The following RP1L1 variants were observed in gnomAD, a reference collection of about 807,000 sequenced individuals.
The protein encoded by RP1L1 is retinitis pigmentosa 1-like 1 protein.
A neutral mutation model predicts 15.7 loss-of-function variants in RP1L1; 27 were observed. The observed-to-expected ratio is 1.72, with a 90% confidence interval of 1.27 to 2.38. The LOEUF (loss-of-function observed/expected upper bound fraction) is 2.38, where lower values mean the gene tolerates loss of function less well. Among genes scored for constraint, RP1L1 ranks in the 30% most tolerant of loss-of-function variants. RP1L1 has a pLI of 0.00. For missense variants in RP1L1, 4,798 were observed against 3,075.9 expected (o/e 1.56, Z -13.24); for synonymous variants, 1,813 against 1,276.7 (o/e 1.42, Z -8.96).
intron 1 of RP1L1, among the ~76,000 whole-genome samples, chr8:10,647,760 A>C (rs980939100): frequency 6.6e-6 from 1 of 152,156 alleles, no homozygotes; most frequent in African/African-American, 2.4e-5. Flanking sequence ...TCCATGGATT[A>C]TTTCTACCTT....
Position 10,609,354 on chromosome 8 carries a change from G to C in RP1L1, c.4744C>G (p.Arg1582Gly). The change falls in exon 4 of 4, where the codon CGG (arginine) becomes GGG (glycine). Residue 1582 changes from arginine to glycine, a missense_variant. Physicochemically the swap from Arg to Gly is moderately radical, Grantham distance 125. Transcript: ENST00000382483. Reference sequence around the variant, plus strand: ...GGCTCCAGCACCATCCTACCCGCCCGGCCCTGGAGCTTCTGGAGCTCTCTC... The same window carrying C: ...GGCTCCAGCACCATCCTACCCGCCCCGCCCTGGAGCTTCTGGAGCTCTCTC... ...TKRELQKLQG[R>G]AGRMVLEPPR... The C allele has an allele frequency of 6.2e-7, 1 of 1,612,382 alleles. No homozygotes were observed.
Position 10,611,300 on chromosome 8 carries a change from C to A in RP1L1, c.2798G>T (p.Gly933Val), listed in dbSNP as rs769397265. Residue 933 changes from glycine (G) to valine (V), a missense_variant, in exon 4 of 4, where the codon GGC becomes GTC. Physicochemically the swap from Gly to Val is moderately radical, Grantham distance 109. Coordinates refer to ENST00000382483, the MANE Select transcript of RP1L1 (RefSeq NM_178857.6). ...ACTGGCCTCCTCCTGCCCCTGGGGG[C>A]CTCCCCCACTCCTCAAGGTCTTCTC... Reference protein sequence around the residue: ...SEEKTLRSGGGPQGQEEASGV... With the variant: ...SEEKTLRSGGVPQGQEEASGV... 4 of 1,612,830 alleles carry A rather than the reference C, an allele frequency of 2.5e-6. No homozygotes were observed. The highest frequency in any genetic ancestry group is 3.4e-6 in the Non-Finnish European group (4 of 1,180,014).
chr8:10,640,003 G>C (rs1798384562), intron 1 of RP1L1, among the ~76,000 whole-genome samples: 1 of 152,152 alleles, frequency 6.6e-6, no homozygotes. Context: ...GTTCTAAATG[G>C]TCAGGGGTTT....
In RP1L1 at chr8:10,613,306, C is replaced by T. The variant is rs567914782; in HGVS notation, c.792G>A (p.Ser264=). The change falls in exon 4 of 4, where the codon TCG becomes TCA. Residue 264 remains serine, a synonymous_variant. Transcript: ENST00000382483. Reference sequence around the variant, plus strand: ...GTGGCGTGCTGCCTGGCGGAGACCGCGAATGGATCACACTCGGCTTGGTCT... The same window carrying T: ...GTGGCGTGCTGCCTGGCGGAGACCGTGAATGGATCACACTCGGCTTGGTCT... ...GPKTKPSVIH[S]RSPPGSTPRL... 126 of 1,602,374 alleles carry T rather than the reference C, an allele frequency of 7.9e-5. 1 individual carries two copies. Among genetic ancestry groups the T allele is most frequent in the South Asian group, 7.6e-4 (69 of 91,090 alleles).
chr8:10,616,619 T>C (rs149289296), intron 2 of RP1L1, 32 bp from the exon 3 acceptor site: 16 of 1,597,086 alleles, frequency 1.0e-5, no homozygotes, highest in Non-Finnish European at 1.4e-5. Flanking sequence ...TCAGGAGGCC[T>C]GGGCTGCAGA....
intron 1 of RP1L1, among the ~76,000 whole-genome samples, chr8:10,629,343 C>T (rs958548528): frequency 6.6e-6 from 1 of 152,134 alleles, no homozygotes; most frequent in Admixed American, 6.5e-5. Flanking sequence ...ACTAAGGGGG[C>T]CTGGGAGCCA....
In RP1L1 at chr8:10,607,476, C is replaced by G. The variant is rs1012300223; in HGVS notation, c.6622G>C (p.Glu2208Gln). ...TCCGGGGCCTCTACACCTTCTAACT[C>G]TGGTTGGGCCTCCCCTTCTGCCTCT... ...APEAEGEAQP[E>Q]LEGVEAPEAE... The change falls in exon 4 of 4, where the codon GAG becomes CAG. Residue 2208 changes from glutamate to glutamine, a missense_variant. Transcript: ENST00000382483. 6.2e-7 allele frequency: 1 copy of G among 1,610,756 alleles called. No homozygotes were observed. The highest frequency in any genetic ancestry group is 1.3e-5 in the African/African-American group (1 of 74,736).
Position 10,608,239 on chromosome 8 carries a change from C to T in RP1L1, c.5859G>A (p.Gln1953=), listed in dbSNP as rs1797749819. Residue 1953 remains glutamine (Q), a synonymous_variant, in exon 4 of 4, where the codon CAG becomes CAA. Transcript: ENST00000382483. The part of the protein sequence containing the change: ...AEEAAQEAEG[Q]TQPESEVIES... ...CTATAACTTCTGACTCTGGCTGGGT[C>T]TGCCCTTCTGCCTCCTGGGCCGCCT... is the stretch of plus-strand genomic sequence containing the variant. 1.3e-6 allele frequency: 2 copies of T among 1,577,360 alleles called. No homozygotes were observed. Among genetic ancestry groups the T allele is most frequent in the Non-Finnish European group, 1.7e-6 (2 of 1,157,080 alleles).
intron 1 of RP1L1, among the ~76,000 whole-genome samples, chr8:10,646,118 A>T (rs1798474179): frequency 6.6e-6 from 1 of 152,228 alleles, no homozygotes; most frequent in African/African-American, 2.4e-5. Flanking sequence ...TGCACTGGGA[A>T]GGGCAGAAGG....
intron 1 of RP1L1, among the ~76,000 whole-genome samples, chr8:10,627,565 C>T (rs1441962400): frequency 6.6e-6 from 1 of 151,482 alleles, no homozygotes; most frequent in Non-Finnish European, 1.5e-5. Flanking sequence ...GGTGGTCGCA[C>T]ACCAACGGCA....
At chr8:10,637,558 C>T (rs1463349973) in intron 1 of RP1L1, among the ~76,000 whole-genome samples, 1 of 152,146 alleles carries the variant, frequency 6.6e-6, no homozygotes, top group Non-Finnish European at 1.5e-5. Context: ...GTAGCCTGGG[C>T]AACAGAGTGA....
rs567145237 is a variant in RP1L1 at position 10,612,781 on chromosome 8, G to T, written c.1317C>A (p.Gly439=). The T allele has an allele frequency of 1.1e-5, 18 of 1,610,134 alleles. No homozygotes were observed. The African/African-American group carries it at 2.4e-4, about 21-fold the overall frequency. Residue 439 remains glycine (G), a synonymous_variant, in exon 4 of 4, where the codon GGC becomes GGA. Coordinates refer to ENST00000382483, the MANE Select transcript of RP1L1 (RefSeq NM_178857.6). ...ATCTCTCCCTCCCGGCAGTCCCGTG[G>T]CCCCACAGGCCACTGCAGCGGACGT... ...AQHVRCSGLW[G]HGTAGRERCS...
At position 10,608,100 on chromosome 8, in the gene RP1L1, C is replaced by T. The variant is rs549791621; in HGVS notation, c.5998G>A (p.Val2000Ile). 6 of 1,612,072 alleles carry T rather than the reference C, an allele frequency of 3.7e-6. No individual in the cohort carries two copies. The highest frequency in any genetic ancestry group is 2.7e-5 in the African/African-American group (2 of 74,330). ...TCCCCTTCAGCCTCTGGGGCCTCTACATCTTCTGACTCTGGCTGGGCCTCC... is the reference window on the plus strand; with the variant it reads ...TCCCCTTCAGCCTCTGGGGCCTCTATATCTTCTGACTCTGGCTGGGCCTCC... ...EGEAQPESED[V>I]EAPEAEGEMQ... The change falls in exon 4 of 4, where the codon GTA becomes ATA. Residue 2000 changes from valine to isoleucine, a missense_variant. Physicochemically the swap from Val to Ile is conservative, Grantham distance 29 (BLOSUM62 3). Transcript: ENST00000382483.
At position 10,613,362 on chromosome 8, in the gene RP1L1, G is replaced by C; in HGVS notation, c.752-16C>G. The C allele has an allele frequency of 1.3e-6, 2 of 1,599,228 alleles. No homozygotes were observed. The highest frequency in any genetic ancestry group is 1.7e-6 in the Non-Finnish European group (2 of 1,179,908). On this transcript the variant is annotated splice_polypyrimidine_tract_variant and intron_variant, in intron 3 of 3. Coordinates refer to ENST00000382483, the MANE Select transcript of RP1L1 (RefSeq NM_178857.6). ...CCCCAGCTCCCTGGCACGCAGTGAAGAGGAAAAGAAAAGAAGAAAAGACTG... is the reference window on the plus strand; with the variant it reads ...CCCCAGCTCCCTGGCACGCAGTGAACAGGAAAAGAAAAGAAGAAAAGACTG...
chr8:10,614,625 C>T (rs1797934215), intron 3 of RP1L1, among the ~76,000 whole-genome samples: 2 of 134,776 alleles, frequency 1.5e-5, no homozygotes, highest in East Asian at 4.9e-4. Flanking sequence ...CGCATCACTG[C>T]ACTCCAGCCT....
chr8:10,623,585 A>AATGTCCCCAGAACTTCC (rs946008604), intron 1 of RP1L1, among the ~76,000 whole-genome samples: 1 of 144,078 alleles, frequency 6.9e-6, no homozygotes, highest in Admixed American at 6.9e-5. Context: ...CCAGTACTTC[A>AATGTCCCCAGAACTTCC]ATGTCCCCAG....
chr8:10,622,814 G>GC lies in RP1L1; in HGVS notation c.387dup (p.Arg130AlafsTer8). Reference sequence around the variant, plus strand: ...GCTTCACGCTGGCCTTCGACATCCCGCAACTGCTGAGCAGTGGGGTTTCTC... The same window carrying GC: ...GCTTCACGCTGGCCTTCGACATCCCGCCAACTGCTGAGCAGTGGGGTTTCTC... On this transcript the variant is annotated frameshift_variant, in exon 2 of 4. Transcript: ENST00000382483. LOFTEE classifies it high-confidence loss of function. 5.0e-6 allele frequency: 8 copies of GC among 1,613,704 alleles called. No individual in the cohort carries two copies. The highest frequency in any genetic ancestry group is 6.8e-6 in the Non-Finnish European group (8 of 1,179,812).
chr8:10,608,831 T>C lies in RP1L1; in HGVS notation c.5267A>G (p.Lys1756Arg). The C allele has an allele frequency of 6.2e-7, 1 of 1,614,152 alleles. No homozygotes were observed. Among genetic ancestry groups the C allele is most frequent in the Non-Finnish European group, 8.5e-7 (1 of 1,180,036 alleles). ...GEGSQRLNRD[K>R]DPKLGEAEGD... ...CTCTGCCTCCCCGAGTTTGGGATCT[T>C]TGTCTCTGTTGAGTCTCTGGCTCCC... The change falls in exon 4 of 4, where the codon AAA becomes AGA. Residue 1756 changes from lysine to arginine, a missense_variant. Coordinates refer to ENST00000382483, the MANE Select transcript of RP1L1 (RefSeq NM_178857.6).
chr8:10,645,054 T>C (rs1290329998), intron 1 of RP1L1, among the ~76,000 whole-genome samples: 1 of 152,220 alleles, frequency 6.6e-6, no homozygotes, highest in Non-Finnish European at 1.5e-5. Flanking sequence ...GGATTGGGCA[T>C]GGTGGCTCAT....
Sources: allele counts gnomAD v4.1 joint callset (sites outside exome capture counted in the v4.1 genomes callset), GRCh38; gene constraint gnomAD v4.1.1; transcripts MANE v1.5; gene names NCBI Gene and HGNC (gene_info 2026-07-23, HGNC 2026-07-21).